Variants in ANKLE2 observed in about 807,000 individuals in gnomAD.
ANKLE2 encodes ankyrin repeat and LEM domain containing 2.
In ANKLE2, 55 loss-of-function variants were observed where a neutral mutation model predicts 84.2. The ratio of observed to expected loss-of-function variants is 0.65; its 90% CI spans 0.53 to 0.82. ANKLE2 has a LOEUF of 0.82. Among genes scored for constraint, ANKLE2 ranks in the 40% least tolerant of loss-of-function variants. The probability of loss-of-function intolerance (pLI) is 0.00; values close to 1 mark genes in which losing one functional copy is unlikely to be tolerated. For missense variants in ANKLE2, 1,238 were observed against 1,201.9 expected (o/e 1.03, Z -0.44); for synonymous variants, 551 against 486.1 (o/e 1.13, Z -1.76).
Position 132,734,377 on chromosome 12 carries a change from A to G in ANKLE2, c.1891+8T>C, listed in dbSNP as rs779595133. 2.5e-6 allele frequency: 4 copies of G among 1,613,296 alleles called. No homozygotes were observed. The highest frequency in any genetic ancestry group is 1.7e-4 in the Middle Eastern group (1 of 6,052). ...CCAGCTGCCACAGCCACGCCTGCAC[A>G]TGCTTACCAGACGTGGTGGCTTTAT... On this transcript the variant is annotated splice_region_variant and intron_variant, in intron 10 of 12. Transcript: ENST00000357997.
At chr12:132,741,711 CTT>C (rs1156358964) in intron 6 of ANKLE2, 11 of 649,888 alleles carry the variant, frequency 1.7e-5, no homozygotes, top group South Asian at 4.6e-5. Context: ...AAATTTACTT[CTT>C]GTTTGCGCTA....
At chr12:132,736,258 T>C (rs1223917054) in intron 8 of ANKLE2, among the ~76,000 whole-genome samples, 1 of 152,204 alleles carries the variant, frequency 6.6e-6, no homozygotes, top group Admixed American at 6.5e-5. Flanking sequence ...CCTGGAGCCG[T>C]TTTCATCGCA....
At chr12:132,745,986 C>T (rs1032024743) in intron 5 of ANKLE2, among the ~76,000 whole-genome samples, 2 of 152,174 alleles carry the variant, frequency 1.3e-5, no homozygotes, top group African/African-American at 4.8e-5. Context: ...GCTGTCCTTC[C>T]TAGGGGTACA....
chr12:132,727,122 A>T lies in ANKLE2; in HGVS notation c.*120T>A, dbSNP rs866482361. 3 of 1,042,918 alleles carry T rather than the reference A, an allele frequency of 2.9e-6. No homozygotes were observed. The African/African-American group carries it at 4.8e-5, about 17-fold the overall frequency. The allele number at this position is 1,042,918 out of a possible 1,614,324, so 64.6% of individuals were successfully genotyped here. ...CATTTAAATCTTCTAAAATTCTCAC[A>T]CCCTCAAAGTGAGGAGTAATAATTT... On this transcript the variant is annotated 3_prime_UTR_variant, in exon 13 of 13. Coordinates refer to ENST00000357997, the MANE Select transcript of ANKLE2 (RefSeq NM_015114.3).
intron 6 of ANKLE2, chr12:132,742,519 G>C (rs1367202404): frequency 6.6e-6 from 1 of 152,384 alleles, no homozygotes; most frequent in African/African-American, 2.4e-5. Flanking sequence ...CACTTTGTGG[G>C]CACAGAATAT....
Position 132,741,410 on chromosome 12 carries a change from C to A in ANKLE2, c.1420+9G>T. The A allele has an allele frequency of 1.2e-6, 2 of 1,613,920 alleles. No homozygotes were observed. Among genetic ancestry groups the A allele is most frequent in the Non-Finnish European group, 1.7e-6 (2 of 1,179,954 alleles). On this transcript the variant is annotated intron_variant, in intron 7 of 12. Transcript: ENST00000357997. ...ACCCCACGATCCAGGCACCAACTCC[C>A]CATCTTACCCTTTAAATACTCTCTG...
chr12:132,748,461 A>G, intron 3 of ANKLE2, 130 bp from the exon 4 acceptor site: 1 of 1,018,356 alleles, frequency 9.8e-7, no homozygotes, highest in Non-Finnish European at 1.4e-6. Flanking sequence ...CACAGGTGAG[A>G]AAAGACGAGA....
At position 132,737,001 on chromosome 12, in the gene ANKLE2, C is replaced by A. The variant is rs2044023273; in HGVS notation, c.1485G>T (p.Trp495Cys). ...ETSSPVIGEL[W>C]SPDQTAEASH... ...AGGCCTCAGCCGTCTGGTCTGGGGA[C>A]CACAGCTCCCCGATGACTGGAGAAG... The change falls in exon 8 of 13, where the codon TGG becomes TGT. Residue 495 changes from tryptophan to cysteine, a missense_variant. Physicochemically the swap from Trp to Cys is radical, Grantham distance 215. Transcript: ENST00000357997. 1 of 1,613,222 alleles carries A rather than the reference C, an allele frequency of 6.2e-7. No individual in the cohort carries two copies. Among genetic ancestry groups the A allele is most frequent in the South Asian group, 1.1e-5 (1 of 91,072 alleles).
chr12:132,728,232 C>CTT, intron 11 of ANKLE2, 69 bp from the exon 12 acceptor site: 23 of 1,384,748 alleles, frequency 1.7e-5, no homozygotes, highest in Middle Eastern at 1.9e-4. Flanking sequence ...AATACCACTA[C>CTT]TTTTTTTTTT....
intron 2 of ANKLE2, among the ~76,000 whole-genome samples, chr12:132,753,536 T>C (rs1006228596): frequency 5.9e-5 from 9 of 151,726 alleles, no homozygotes; most frequent in African/African-American, 2.2e-4. Context: ...GAGGCCGAGG[T>C]GGGCAGATCA....
chr12:132,747,626 C>T (rs1054264345), intron 5 of ANKLE2, among the ~76,000 whole-genome samples: 5 of 152,156 alleles, frequency 3.3e-5, no homozygotes, highest in Admixed American at 6.5e-5. Flanking sequence ...GCACACACGA[C>T]GACAATGCAG....
chr12:132,755,023 T>C lies in ANKLE2; in HGVS notation c.292A>G (p.Thr98Ala). ...GLKCGPITST[T>A]RFIFEKKLAQ... ...AATTTTTTCTCAAAAATGAACCTTG[T>C]AGTTGATGTAATGGGTCCACATTTC... The change falls in exon 2 of 13, where the codon ACA becomes GCA. Residue 98 changes from threonine to alanine, a missense_variant. By Grantham distance (58) the Thr-to-Ala change is moderately conservative. Around this residue, in one of 3 missense-constraint regions of ANKLE2, gnomAD observed 422 missense variants for 394.5 expected, o/e 1.07. Coordinates refer to ENST00000357997, the MANE Select transcript of ANKLE2 (RefSeq NM_015114.3). 6.2e-7 allele frequency: 1 copy of C among 1,614,176 alleles called. No individual in the cohort carries two copies. The highest frequency in any genetic ancestry group is 8.5e-7 in the Non-Finnish European group (1 of 1,180,044).
chr12:132,736,812 C>T (rs2044018670), intron 8 of ANKLE2, 81 bp downstream of exon 8: 1 of 1,482,608 alleles, frequency 6.7e-7, no homozygotes, highest in Non-Finnish European at 9.0e-7. Flanking sequence ...AGACCACGCA[C>T]AAGGCAACAG....
intron 8 of ANKLE2, among the ~76,000 whole-genome samples, chr12:132,736,103 C>G (rs113515392): frequency 6.6e-6 from 1 of 152,196 alleles, no homozygotes; most frequent in Non-Finnish European, 1.5e-5. Context: ...AGGCGCCCAC[C>G]ACCACGCCCG....
chr12:132,732,402 C>T lies in ANKLE2; in HGVS notation c.1891+1983G>A, dbSNP rs1201163520. ...GCGCTCTGCGTGCTGGTGTCTGATACGCACCGTGTGAAGCTCTCTGCGTCC... is the reference window on the plus strand; with the variant it reads ...GCGCTCTGCGTGCTGGTGTCTGATATGCACCGTGTGAAGCTCTCTGCGTCC... On this transcript the variant is annotated intron_variant, in intron 10 of 12. Coordinates refer to ENST00000357997, the MANE Select transcript of ANKLE2 (RefSeq NM_015114.3). 1.3e-3 allele frequency among the ~76,000 whole-genome samples: 139 copies of T among 106,108 alleles called. 1 individual carries two copies. The highest frequency in any genetic ancestry group is 5.3e-3 in the African/African-American group (118 of 22,152). 69.6% of individuals were successfully genotyped at this position (106,108 alleles called of 152,430 possible).
Position 132,750,687 on chromosome 12 carries a change from G to A in ANKLE2, c.803C>T (p.Ser268Phe), listed in dbSNP as rs779548290. The A allele has an allele frequency of 3.1e-6, 5 of 1,614,258 alleles. No individual in the cohort carries two copies. The South Asian group carries it at 5.5e-5, about 18-fold the overall frequency. The change falls in exon 3 of 13, where the codon TCT becomes TTT. Residue 268 changes from serine to phenylalanine, a missense_variant. Around this residue, in one of 3 missense-constraint regions of ANKLE2, gnomAD observed 422 missense variants for 394.5 expected, o/e 1.07. Coordinates refer to ENST00000357997, the MANE Select transcript of ANKLE2 (RefSeq NM_015114.3). ...PSPSKTSLPL[S>F]PVKTAPLFSN... ...AAAGAGTGGAGCTGTTTTCACAGGA[G>A]ACAGTGGTAAGGACGTTTTGCTTGG... is the stretch of plus-strand genomic sequence containing the variant.
At chr12:132,733,618 C>A (rs1158198799) in intron 10 of ANKLE2, among the ~76,000 whole-genome samples, 1 of 150,724 alleles carries the variant, frequency 6.6e-6, no homozygotes, top group African/African-American at 2.4e-5. Flanking sequence ...CTGAAATGCA[C>A]CGTGTGAAGC....
At chr12:132,734,020 G>A (rs746920242) in intron 10 of ANKLE2, 23 of 463,182 alleles carry the variant, frequency 5.0e-5, no homozygotes, top group Admixed American at 3.3e-4. Context: ...AGTGGATCAC[G>A]AGGTCAGGAG....
chr12:132,734,443 C>T lies in ANKLE2; in HGVS notation c.1833G>A (p.Lys611=), dbSNP rs750345844. ...CCCGTTCTCCTGTTTCTTGTTGAGC[C>T]TTTTTGCCTATTTCCTGCTGTGTGA... is the stretch of plus-strand genomic sequence containing the variant. ...EYLTQQEIGK[K]AQQETGEREA... The change falls in exon 10 of 13, where the codon AAG becomes AAA. Residue 611 remains lysine (K), a synonymous_variant. Coordinates refer to ENST00000357997, the MANE Select transcript of ANKLE2 (RefSeq NM_015114.3). 37 of 1,614,140 alleles carry T rather than the reference C, an allele frequency of 2.3e-5. No homozygotes were observed. In the African/African-American group the frequency reaches 4.5e-4, roughly 20 times the overall value.
Sources: gnomAD v4.1 joint callset for allele counts (sites outside exome capture counted in the v4.1 genomes callset) on GRCh38, gnomAD v4.1.1 for gene constraint, gnomAD v4.1.1 regional missense constraint, MANE v1.5 for transcripts, NCBI Gene and HGNC (gene_info 2026-07-23, HGNC 2026-07-21) for gene names.